The following EEA1 variants were observed in gnomAD, a reference collection of about 807,000 sequenced individuals.
EEA1 encodes early endosome antigen 1, 162kD.
EEA1 carries 111 observed loss-of-function variants against 209.2 expected under a neutral mutation model. The ratio of observed to expected loss-of-function variants is 0.53; its 90% CI spans 0.45 to 0.62. EEA1 has a LOEUF of 0.62. EEA1 is among the 20% of genes least tolerant of loss of function. The probability of loss-of-function intolerance (pLI) is 0.00; values close to 1 mark genes in which losing one functional copy is unlikely to be tolerated. For synonymous variants in EEA1, 536 were observed against 540.6 expected (o/e 0.99, Z 0.12); for missense variants, 1,343 against 1,530.8 (o/e 0.88, Z 2.05).
rs202023852 is a variant in EEA1 at position 92,775,984 on chromosome 12, A to G, written c.*27T>C. ...TTATTAAAAATCTAATGTTAGTGTA[A>G]TATTACTCTGAAGTTGTGATAACCC... is the stretch of plus-strand genomic sequence containing the variant. On this transcript the variant is annotated 3_prime_UTR_variant, in exon 29 of 29. Coordinates refer to ENST00000322349, the MANE Select transcript of EEA1 (RefSeq NM_003566.4). 4.4e-6 allele frequency: 7 copies of G among 1,604,892 alleles called. No homozygotes were observed. Among genetic ancestry groups the G allele is most frequent in the Non-Finnish European group, 6.0e-6 (7 of 1,175,168 alleles).
chr12:92,872,379 A>G (rs1226990239), intron 2 of EEA1, among the ~76,000 whole-genome samples: 2 of 152,176 alleles, frequency 1.3e-5, no homozygotes, highest in East Asian at 3.9e-4. Context: ...AAGTATAACA[A>G]ATACTTTTAT....
intron 2 of EEA1, among the ~76,000 whole-genome samples, chr12:92,878,313 C>T (rs765301524): frequency 6.6e-6 from 1 of 152,020 alleles, no homozygotes; most frequent in East Asian, 1.9e-4. Context: ...GGTGGGGGAA[C>T]GGACTGAAGA....
At chr12:92,841,081 T>A (rs1332661632) in intron 10 of EEA1, among the ~76,000 whole-genome samples, 6 of 152,162 alleles carry the variant, frequency 3.9e-5, no homozygotes, top group Non-Finnish European at 8.8e-5. Flanking sequence ...CTTCTCAGCC[T>A]CCAAAATAGT....
intron 3 of EEA1, chr12:92,858,517 CTG>C: frequency 1.2e-6 from 1 of 834,938 alleles, no homozygotes; most frequent in East Asian, 2.4e-5. Context: ...ACTGATGAAA[CTG>C]AGGAGTGTAT....
intron 1 of EEA1, among the ~76,000 whole-genome samples, chr12:92,908,669 T>C (rs1430748630): frequency 6.6e-6 from 1 of 152,138 alleles, no homozygotes; most frequent in Non-Finnish European, 1.5e-5. Flanking sequence ...AATATTCATA[T>C]TGTTAATTTT....
chr12:92,909,712 C>T (rs1880507467), intron 1 of EEA1, among the ~76,000 whole-genome samples: 1 of 152,136 alleles, frequency 6.6e-6, no homozygotes. Context: ...ATGGGAATGG[C>T]TTTGTTATAA....
chr12:92,778,312 A>G, intron 25 of EEA1, 133 bp from the exon 26 acceptor site: 1 of 683,134 alleles, frequency 1.5e-6, no homozygotes, highest in Non-Finnish European at 2.4e-6. Flanking sequence ...ATTTCATTAC[A>G]CATTAATAAA....
rs548087791 is a variant in EEA1, at chr12:92,925,426, A to C, written c.24+3617T>G. Among the ~76,000 whole-genome samples the C allele has an allele frequency of 2.6e-5, 4 of 152,198 alleles. No homozygotes were observed. The South Asian group carries it at 8.3e-4, about 32-fold the overall frequency. On this transcript the variant is annotated intron_variant, in intron 1 of 28. Transcript: ENST00000322349. ...TGACGGGGTTTCACCACATTGACCA[A>C]GCTGGTCTCGAACTCCTGATCTCAG...
intron 2 of EEA1, among the ~76,000 whole-genome samples, chr12:92,865,612 G>A (rs113366131): frequency 0.019 from 2,831 of 151,996 alleles, 96 homozygotes; most frequent in African/African-American, 0.063. Context: ...ACCAACTAGA[G>A]TACTATGTTA....
chr12:92,796,329 T>C (rs1874652807), intron 21 of EEA1, among the ~76,000 whole-genome samples: 1 of 152,132 alleles, frequency 6.6e-6, no homozygotes, highest in Admixed American at 6.5e-5. Flanking sequence ...CTATATATAA[T>C]GTTTTAAATC....
intron 23 of EEA1, 105 bp from the exon 24 acceptor site, chr12:92,780,516 T>C: frequency 1.2e-6 from 1 of 819,798 alleles, no homozygotes; most frequent in Non-Finnish European, 1.8e-6. Context: ...GCTCTGCCCT[T>C]TTCTACCTAA....
intron 18 of EEA1, 95 bp downstream of exon 18, chr12:92,808,922 A>C: frequency 9.7e-7 from 1 of 1,027,144 alleles, no homozygotes; most frequent in South Asian, 2.2e-5. Context: ...ATAAGTCTTT[A>C]AGCACTACGA....
At chr12:92,858,299 C>T (rs1228534458) in intron 3 of EEA1, 2 of 744,528 alleles carry the variant, frequency 2.7e-6, no homozygotes, top group Non-Finnish European at 5.0e-6. Flanking sequence ...AAATTACATC[C>T]AGAGCTGCTG....
intron 3 of EEA1, 73 bp from the exon 4 acceptor site, chr12:92,857,558 G>T (rs1877935827): frequency 1.1e-6 from 1 of 910,280 alleles, no homozygotes; most frequent in Non-Finnish European, 1.6e-6. Context: ...AGAAATCATG[G>T]CTAGTAATTG....
chr12:92,914,023 T>C (rs952409478), intron 1 of EEA1, among the ~76,000 whole-genome samples: 2 of 152,202 alleles, frequency 1.3e-5, no homozygotes, highest in Non-Finnish European at 1.5e-5. Context: ...GTGAACAATA[T>C]GGGTCCAGCT....
chr12:92,858,503 C>A, intron 3 of EEA1: 1 of 901,512 alleles, frequency 1.1e-6, no homozygotes, highest in Non-Finnish European at 1.9e-6. Context: ...TGTTTGGCTA[C>A]GCCACTGATG....
At chr12:92,905,864 C>T (rs1880364463) in intron 1 of EEA1, among the ~76,000 whole-genome samples, 1 of 151,748 alleles carries the variant, frequency 6.6e-6, no homozygotes, top group South Asian at 2.1e-4. Context: ...AATGATTTAT[C>T]TATTGCAGAC....
At chr12:92,791,066 C>A (rs1874381006) in intron 21 of EEA1, among the ~76,000 whole-genome samples, 1 of 152,164 alleles carries the variant, frequency 6.6e-6, no homozygotes. Context: ...TACAGATGAG[C>A]AAATGCTGAG....
rs530356773 is a variant in EEA1, at chr12:92,779,551, G to C, written c.3469-251C>G. 5.9e-5 allele frequency among the ~76,000 whole-genome samples: 9 copies of C among 151,988 alleles called. No homozygotes were observed. In the South Asian group the frequency reaches 1.7e-3, roughly 28 times the overall value. On this transcript the variant is annotated intron_variant, in intron 24 of 28. Coordinates refer to ENST00000322349, the MANE Select transcript of EEA1 (RefSeq NM_003566.4). ...TTATGTGGAGAAAAAAAAACAAACTGTACTCTCTATTTTCCCTTTCCTCAC... is the reference window on the plus strand; with the variant it reads ...TTATGTGGAGAAAAAAAAACAAACTCTACTCTCTATTTTCCCTTTCCTCAC...
Sources: allele counts gnomAD v4.1 joint callset (sites outside exome capture counted in the v4.1 genomes callset), GRCh38; gene constraint gnomAD v4.1.1; transcripts MANE v1.5; gene names NCBI Gene and HGNC (gene_info 2026-07-23, HGNC 2026-07-21).